TMEM165: variants seen among roughly 807,000 people sequenced by gnomAD.
The protein encoded by TMEM165 is transmembrane protein 165, also known as putative divalent cation/proton antiporter TMEM165.
Under a neutral mutation model 30.0 loss-of-function variants are expected in TMEM165, and 19 were observed. The observed-to-expected ratio is 0.63, with a 90% confidence interval of 0.44 to 0.93. TMEM165 has a LOEUF of 0.93. TMEM165 is among the 40% of genes least tolerant of loss of function. TMEM165 has a pLI of 0.00. For synonymous variants in TMEM165, 168 were observed against 162.9 expected, an observed-to-expected ratio of 1.03 and a Z score of -0.24; for missense variants, 340 against 417.0, an observed-to-expected ratio of 0.82 and a Z score of 1.61.
At chr4:55,446,307 T>C (rs1487181563) in intron 3 of TMEM165, among the ~76,000 whole-genome samples, 1 of 151,982 alleles carries the variant, frequency 6.6e-6, no homozygotes, top group Non-Finnish European at 1.5e-5. Flanking sequence ...TAGTCTGTTG[T>C]AGAACTCCTG....
intron 3 of TMEM165, among the ~76,000 whole-genome samples, chr4:55,446,838 G>A (rs1723891463): frequency 6.6e-6 from 1 of 152,134 alleles, no homozygotes; most frequent in African/African-American, 2.4e-5. Flanking sequence ...GCCTCTTACA[G>A]TGAACTGTAT....
intron 1 of TMEM165, among the ~76,000 whole-genome samples, chr4:55,402,814 C>A (rs1187087975): frequency 6.4e-5 from 1 of 15,540 alleles, no homozygotes; most frequent in East Asian, 1.9e-3. Context: ...TTTTTTGAGA[C>A]GGAGTCTTGC....
rs558601598 is a variant in TMEM165 at position 55,396,393 on chromosome 4, C to A, written c.204C>A (p.Val68=). The change falls in exon 1 of 6, where the codon GTC becomes GTA. Residue 68 remains valine (V), a synonymous_variant. Transcript: ENST00000381334. ...TGCAGGGCCCCGAGCCGGCCCGGGT[C>A]GAGGTGAGCGGGCCGGGATGGGGCG... The part of the protein sequence containing the change: ...VAVQGPEPAR[V]EKIFTPAAPV... 3 of 1,480,722 alleles carry A rather than the reference C, an allele frequency of 2.0e-6. No individual in the cohort carries two copies. In the South Asian group the frequency reaches 3.8e-5, roughly 19 times the overall value. The allele number at this position is 1,480,722 out of a possible 1,614,324, so 91.7% of individuals were successfully genotyped here. A position where few individuals can be genotyped will look rare whatever the true frequency, so the allele number is the denominator to read the frequency against.
chr4:55,405,982 A>G (rs1291132271), intron 1 of TMEM165, among the ~76,000 whole-genome samples: 1 of 152,230 alleles, frequency 6.6e-6, no homozygotes, highest in Non-Finnish European at 1.5e-5. Flanking sequence ...CAGTACAGAA[A>G]AGAGGTATAT....
At chr4:55,421,874 G>C (rs1721987984) in intron 4 of TMEM165, among the ~76,000 whole-genome samples, 1 of 151,418 alleles carries the variant, frequency 6.6e-6, no homozygotes, top group Non-Finnish European at 1.5e-5. Flanking sequence ...CGTTTTGTGA[G>C]CATTGTTCGT....
rs1018733457 is a variant in TMEM165, at chr4:55,396,123, G to A, written c.-67G>A. 5 of 1,272,634 alleles carry A rather than the reference G, an allele frequency of 3.9e-6. No homozygotes were observed. Among genetic ancestry groups the A allele is most frequent in the South Asian group, 2.4e-5 (1 of 42,540 alleles). The allele number at this position is 1,272,634 out of a possible 1,614,324, so 78.8% of individuals were successfully genotyped here. A position where few individuals can be genotyped will look rare whatever the true frequency, so the allele number is the denominator to read the frequency against. On this transcript the variant is annotated 5_prime_UTR_variant, in exon 1 of 6. Coordinates refer to ENST00000381334, the MANE Select transcript of TMEM165 (RefSeq NM_018475.5). ...AGGACGCGCCGCGGAGGCTGTTCGGGGTCGAGGCTTCCCGTCGCCGGCACT... is the reference window on the plus strand; with the variant it reads ...AGGACGCGCCGCGGAGGCTGTTCGGAGTCGAGGCTTCCCGTCGCCGGCACT...
intron 4 of TMEM165, 105 bp from the exon 5 acceptor site, chr4:55,424,433 C>A: frequency 1.5e-6 from 1 of 684,980 alleles, no homozygotes. Context: ...AACTATTATG[C>A]TTTTTAATTG....
intron 2 of TMEM165, among the ~76,000 whole-genome samples, chr4:55,412,915 AATC>A (rs575120393): frequency 2.0e-5 from 3 of 152,072 alleles, no homozygotes; most frequent in African/African-American, 7.2e-5. Flanking sequence ...AAATTTAAAT[AATC>A]ATTTTAAAAA....
chr4:55,436,471 G>C (rs1406547267), intron 3 of TMEM165, among the ~76,000 whole-genome samples: 3 of 152,122 alleles, frequency 2.0e-5, no homozygotes, highest in Admixed American at 2.0e-4. Context: ...ACAAAAAAAT[G>C]TTAACAGAAA....
chr4:55,452,747 C>T (rs541130341), exon 4 of TMEM165: 10 of 204,706 alleles, frequency 4.9e-5, no homozygotes, highest in South Asian at 1.8e-4. Context: ...ATTACCTACC[C>T]GATAAAAATA....
At chr4:55,421,870 G>T (rs977375426) in intron 4 of TMEM165, among the ~76,000 whole-genome samples, 6 of 151,632 alleles carry the variant, frequency 4.0e-5, no homozygotes, top group African/African-American at 1.5e-4. Context: ...CAGCCGTTTT[G>T]TGAGCATTGT....
At chr4:55,412,100 G>A (rs1721527265) in intron 2 of TMEM165, 1 of 499,806 alleles carries the variant, frequency 2.0e-6, no homozygotes, top group African/African-American at 1.9e-5. Flanking sequence ...ATTGTGTAAA[G>A]TAAGACAGTT....
intron 3 of TMEM165, chr4:55,432,933 T>C (rs1722616029): frequency 6.6e-6 from 1 of 152,644 alleles, no homozygotes; most frequent in Non-Finnish European, 1.5e-5. Context: ...ACCTGGGGCT[T>C]GTCTTATGCT....
intron 2 of TMEM165, among the ~76,000 whole-genome samples, chr4:55,414,569 G>T (rs1721651837): frequency 6.6e-6 from 1 of 152,126 alleles, no homozygotes; most frequent in Admixed American, 6.5e-5. Flanking sequence ...AGCCCTGCAT[G>T]CACTAGGTAT....
chr4:55,453,163 C>G (rs771558938), exon 4 of TMEM165: 1 of 1,546,986 alleles, frequency 6.5e-7, no homozygotes. Context: ...ATTTTAGTGT[C>G]TGGTCATTCG....
At chr4:55,435,570 G>A in intron 3 of TMEM165, 1 of 1,613,932 alleles carries the variant, frequency 6.2e-7, no homozygotes, top group Non-Finnish European at 8.5e-7. Flanking sequence ...TGAGTTGAGG[G>A]ATTCCCATGG....
Position 55,417,081 on chromosome 4 carries a change from G to T in TMEM165, c.443G>T (p.Gly148Val). The T allele has an allele frequency of 6.3e-7, 1 of 1,595,190 alleles. No individual in the cohort carries two copies. The highest frequency in any genetic ancestry group is 2.3e-5 in the East Asian group (1 of 44,120). ...GTTGTATTTTTTCCAGTTTTGTTTGGCTATGCCACCACAGTCATCCCCAGG... is the reference window on the plus strand; with the variant it reads ...GTTGTATTTTTTCCAGTTTTGTTTGTCTATGCCACCACAGTCATCCCCAGG... ...GLMTCLSVLF[G>V]YATTVIPRVY... The change falls in exon 3 of 6, where the codon GGC becomes GTC. Residue 148 changes from glycine to valine, a missense_variant. By Grantham distance (109) the Gly-to-Val change is moderately radical. This residue lies in a region of TMEM165 where 220 missense variants were observed against 307.6 expected (regional missense o/e 0.72). Transcript: ENST00000381334.
At chr4:55,415,393 A>G (rs143903205) in intron 2 of TMEM165, 1 of 151,872 alleles carries the variant, frequency 6.6e-6, no homozygotes, top group African/African-American at 2.4e-5. Context: ...TTTGCTCCTC[A>G]CTTTCTAGTA....
chr4:55,445,651 T>G (rs1403338599), intron 3 of TMEM165, among the ~76,000 whole-genome samples: 3 of 139,356 alleles, frequency 2.2e-5, no homozygotes, highest in Non-Finnish European at 3.0e-5. Context: ...AAAGCAGTGG[T>G]GCGATCATGG....
Sources: gnomAD v4.1 joint callset for allele counts (sites outside exome capture counted in the v4.1 genomes callset) on GRCh38, gnomAD v4.1.1 for gene constraint, gnomAD v4.1.1 regional missense constraint, MANE v1.5 for transcripts, NCBI Gene and HGNC (gene_info 2026-07-23, HGNC 2026-07-21) for gene names.